The following FUT9 variants were observed in gnomAD, a reference collection of about 807,000 sequenced individuals.
FUT9 encodes fucosyltransferase 9.
Under a neutral mutation model 29.7 loss-of-function variants are expected in FUT9, and 15 were observed. The observed-to-expected ratio is 0.51, with a 90% CI of 0.34 to 0.78. The LOEUF (loss-of-function observed/expected upper bound fraction) is 0.78. Among genes scored for constraint, FUT9 ranks in the 30% least tolerant of loss-of-function variants. FUT9 has a pLI of 0.01. For synonymous variants in FUT9, 169 were observed against 153.7 expected (o/e 1.10, Z -0.74); for missense variants, 319 against 425.4 (o/e 0.75, Z 2.20).
At chr6:96,133,771 G>C (rs1582257643) in intron 2 of FUT9, among the ~76,000 whole-genome samples, 1 of 151,940 alleles carries the variant, frequency 6.6e-6, no homozygotes, top group East Asian at 1.9e-4. Flanking sequence ...TGTTTGTATA[G>C]TATACTTTGC....
chr6:96,040,166 T>C (rs1770436070), intron 1 of FUT9, among the ~76,000 whole-genome samples: 1 of 152,204 alleles, frequency 6.6e-6, no homozygotes, highest in Non-Finnish European at 1.5e-5. Context: ...TAAGTGATTG[T>C]CTTTGTTATC....
intron 2 of FUT9, among the ~76,000 whole-genome samples, chr6:96,158,314 G>A (rs1772828511): frequency 6.6e-6 from 1 of 152,014 alleles, no homozygotes. Context: ...CACTGTGCAG[G>A]TGTATGATGT....
At chr6:96,138,004 TC>T (rs1772389513) in intron 2 of FUT9, among the ~76,000 whole-genome samples, 1 of 59,124 alleles carries the variant, frequency 1.7e-5, no homozygotes, top group Non-Finnish European at 4.6e-5. Flanking sequence ...CAAACCTGTC[TC>T]TAATGTGCTT....
At chr6:96,052,244 A>G (rs1279955850) in intron 1 of FUT9, among the ~76,000 whole-genome samples, 3 of 152,212 alleles carry the variant, frequency 2.0e-5, no homozygotes, top group Non-Finnish European at 4.4e-5. Context: ...AGACTCAATT[A>G]CTTCTCACTG....
At chr6:96,178,610 T>C (rs1270349642) in intron 2 of FUT9, among the ~76,000 whole-genome samples, 2 of 152,160 alleles carry the variant, frequency 1.3e-5, no homozygotes, top group East Asian at 1.9e-4. Context: ...ATTGTTTCCA[T>C]TGGCAACCAC....
At chr6:96,123,512 T>C (rs901626914) in intron 2 of FUT9, among the ~76,000 whole-genome samples, 1 of 152,216 alleles carries the variant, frequency 6.6e-6, no homozygotes, top group Non-Finnish European at 1.5e-5. Context: ...ATTCCTTTGA[T>C]TAATCAACTT....
At chr6:96,138,899 T>G (rs954656225) in intron 2 of FUT9, among the ~76,000 whole-genome samples, 1 of 152,176 alleles carries the variant, frequency 6.6e-6, no homozygotes, top group African/African-American at 2.4e-5. Flanking sequence ...AAACAAAAAG[T>G]GTTTGACACC....
chr6:96,194,965 T>G (rs770805442), intron 2 of FUT9, among the ~76,000 whole-genome samples: 9 of 152,084 alleles, frequency 5.9e-5, no homozygotes, highest in African/African-American at 2.4e-5. Flanking sequence ...AAATAGAGCT[T>G]CTAAAGTTAA....
At chr6:96,170,736 A>G (rs1357234607) in intron 2 of FUT9, among the ~76,000 whole-genome samples, 1 of 152,184 alleles carries the variant, frequency 6.6e-6, no homozygotes, top group Non-Finnish European at 1.5e-5. Flanking sequence ...TTAGAAAGAA[A>G]TATCTTTTTC....
At chr6:96,134,090 A>G (rs1026799164) in intron 2 of FUT9, among the ~76,000 whole-genome samples, 2 of 151,884 alleles carry the variant, frequency 1.3e-5, no homozygotes, top group Non-Finnish European at 3.0e-5. Context: ...AGAAAAATAA[A>G]GAGAAGATAT....
At chr6:96,107,573 T>C (rs1310109143) in intron 1 of FUT9, among the ~76,000 whole-genome samples, 1 of 152,158 alleles carries the variant, frequency 6.6e-6, no homozygotes, top group African/African-American at 2.4e-5. Context: ...AAATACATGT[T>C]GAAAATATTT....
At chr6:96,102,810 T>C (rs1771609976) in intron 1 of FUT9, among the ~76,000 whole-genome samples, 4 of 152,196 alleles carry the variant, frequency 2.6e-5, no homozygotes, top group East Asian at 1.9e-4. Context: ...TATACCAAAT[T>C]TGAAAAGAAA....
intron 1 of FUT9, among the ~76,000 whole-genome samples, chr6:96,042,679 T>A: frequency 6.6e-6 from 1 of 152,150 alleles, no homozygotes; most frequent in East Asian, 1.9e-4. Context: ...TTAGATACAA[T>A]GAAGCCCCAA....
chr6:96,073,003 C>A (rs1771087643), intron 1 of FUT9, among the ~76,000 whole-genome samples: 1 of 152,126 alleles, frequency 6.6e-6, no homozygotes, highest in Admixed American at 6.6e-5. Context: ...TTCCATCTAG[C>A]TGGAGAGATA....
rs1212355825 is a variant in FUT9 at position 96,210,374 on chromosome 6, T to A, written c.*6139T>A. 1.2e-5 allele frequency: 2 copies of A among 166,866 alleles called. No individual in the cohort carries two copies. Among genetic ancestry groups the A allele is most frequent in the Non-Finnish European group, 2.9e-5 (2 of 68,008 alleles). The allele number at this position is 166,866 out of a possible 1,614,324, so 10.3% of individuals were successfully genotyped here. A position where few individuals can be genotyped will look rare whatever the true frequency, so the allele number is the denominator to read the frequency against. On this transcript the variant is annotated 3_prime_UTR_variant, in exon 3 of 3. Transcript: ENST00000302103. ...ACACTTTTTCCAGTTGCGAGTTGCT[T>A]ATAGTAGTTCGCGAACCTGAATGCA...
At chr6:96,177,800 A>T (rs1244913774) in intron 2 of FUT9, among the ~76,000 whole-genome samples, 1 of 152,022 alleles carries the variant, frequency 6.6e-6, no homozygotes, top group Non-Finnish European at 1.5e-5. Flanking sequence ...AATTATTATC[A>T]TTTTTTTACT....
intron 1 of FUT9, among the ~76,000 whole-genome samples, chr6:96,067,957 T>A (rs1770991641): frequency 6.6e-6 from 1 of 152,166 alleles, no homozygotes; most frequent in Non-Finnish European, 1.5e-5. Flanking sequence ...TGGAGTATAA[T>A]AGGTGTTGAA....
chr6:96,061,680 T>C (rs187530871), intron 1 of FUT9, among the ~76,000 whole-genome samples: 16 of 152,320 alleles, frequency 1.1e-4, no homozygotes, highest in African/African-American at 3.8e-4. Context: ...CTCATGTAGC[T>C]GCCCATCTAA....
intron 1 of FUT9, among the ~76,000 whole-genome samples, chr6:96,103,121 A>C (rs1350038199): frequency 2.6e-5 from 4 of 152,170 alleles, no homozygotes; most frequent in African/African-American, 9.7e-5. Flanking sequence ...AATGGGGAGT[A>C]GGGGAGGAGA....
Sources: gnomAD v4.1 joint callset for allele counts (sites outside exome capture counted in the v4.1 genomes callset) on GRCh38, gnomAD v4.1.1 for gene constraint, MANE v1.5 for transcripts, NCBI Gene and HGNC (gene_info 2026-07-23, HGNC 2026-07-21) for gene names.